The following GJB3 variants were observed in gnomAD, a reference collection of about 807,000 sequenced individuals.
The protein encoded by GJB3 is gap junction beta-3 protein.
GJB3 carries 6 observed loss-of-function variants against 8.1 expected under a neutral mutation model. That is an observed-to-expected ratio of 0.75 (90% confidence interval 0.41 to 1.47). The LOEUF is 1.47. Among genes scored for constraint, GJB3 ranks in the 40% most tolerant of loss-of-function variants. The pLI, the probability that GJB3 is intolerant of heterozygous loss-of-function variation, is 0.02. For missense variants in GJB3, 348 were observed against 365.6 expected (o/e 0.95, Z 0.39); for synonymous variants, 137 against 156.4 (o/e 0.88, Z 0.93).
rs747547880 is a variant in GJB3 at position 34,785,025 on chromosome 1, C to T, written c.263C>T (p.Ser88Leu). The T allele has an allele frequency of 3.7e-6, 6 of 1,614,168 alleles. No individual in the cohort carries two copies. Among genetic ancestry groups the T allele is most frequent in the African/African-American group, 1.3e-5 (1 of 75,052 alleles). ...CAGCTCATCTTCGTCACATGCCCCT[C>T]GCTGCTGGTCATCCTGCACGTGGCC... ...ALQLIFVTCP[S>L]LLVILHVAYR... The change falls in exon 2 of 2, where the codon TCG becomes TTG. Residue 88 changes from serine to leucine, a missense_variant. Coordinates refer to ENST00000373366, the MANE Select transcript of GJB3 (RefSeq NM_024009.3). This position sits in a 1 kb window ranked among gnomAD's most constrained non-coding sequence, Gnocchi z 4.7.
At chr1:34,784,710 A>G (rs957249530) in intron 1 of GJB3, 28 bp from the exon 2 acceptor site, 3 of 1,421,190 alleles carry the variant, frequency 2.1e-6, no homozygotes, top group South Asian at 1.2e-5. Context: ...ATTCATTCAT[A>G]CGATGGTTTT....
intron 1 of GJB3, among the ~76,000 whole-genome samples, chr1:34,783,650 G>A (rs1640050452): frequency 6.6e-6 from 1 of 152,114 alleles, no homozygotes; most frequent in Admixed American, 6.5e-5. Flanking sequence ...CAGGCATCAC[G>A]CATGCTCAGA....
intron 1 of GJB3, 35 bp from the exon 2 acceptor site, chr1:34,784,703 C>A (rs1465243341): frequency 4.4e-6 from 6 of 1,348,532 alleles, no homozygotes; most frequent in Non-Finnish European, 1.1e-6. Context: ...GTCACCTATT[C>A]ATTCATACGA....
At position 34,784,293 on chromosome 1, in the gene GJB3, G is replaced by A. The variant is rs1640062365; in HGVS notation, c.-25-445G>A. Among the ~76,000 whole-genome samples, 3 of 152,308 alleles carry A rather than the reference G, an allele frequency of 2.0e-5. No homozygotes were observed. In the South Asian group the frequency reaches 6.2e-4, roughly 32 times the overall value. On this transcript the variant is annotated intron_variant, in intron 1 of 1. Transcript: ENST00000373366. ...TGACTTGACCTCTCTAAATTTCACA[G>A]TAATGAGTAGCCAGCATTTATGGGG...
Position 34,785,188 on chromosome 1 carries a change from G to C in GJB3, c.426G>C (p.Glu142Asp). The C allele has an allele frequency of 1.2e-6, 2 of 1,614,154 alleles. No homozygotes were observed. Among genetic ancestry groups the C allele is most frequent in the Non-Finnish European group, 1.7e-6 (2 of 1,180,030 alleles). The change falls in exon 2 of 2, where the codon GAG becomes GAC. Residue 142 changes from glutamate (E) to aspartate (D), a missense_variant. Glu to Asp is a conservative substitution (Grantham distance 45). Coordinates refer to ENST00000373366, the MANE Select transcript of GJB3 (RefSeq NM_024009.3). The surrounding 1 kb of genome is among the most constrained non-coding windows in gnomAD (Gnocchi z 4.7). The part of the protein sequence containing the change: ...LFSLIFKLII[E>D]FLFLYLLHTL... Reference sequence around the variant, plus strand: ...GCCTCATCTTCAAGCTCATCATTGAGTTCCTCTTCCTCTACCTGCTGCACA... The same window carrying C: ...GCCTCATCTTCAAGCTCATCATTGACTTCCTCTTCCTCTACCTGCTGCACA...
Position 34,785,931 on chromosome 1 carries a change from A to G in GJB3, c.*356A>G, listed in dbSNP as rs1640108529. 3.1e-6 allele frequency: 1 copy of G among 318,200 alleles called. No homozygotes were observed. The highest frequency in any genetic ancestry group is 4.8e-5 in the Admixed American group (1 of 20,810). The allele number at this position is 318,200 out of a possible 1,614,324, so 19.7% of individuals were successfully genotyped here. ...CTTCCCTGAGGACATAATGTGTAAG[A>G]GAGGTGAGAAGTGCTCCCAAGCAGA... On this transcript the variant is annotated 3_prime_UTR_variant, in exon 2 of 2. Coordinates refer to ENST00000373366, the MANE Select transcript of GJB3 (RefSeq NM_024009.3). The surrounding 1 kb of genome is among the most constrained non-coding windows in gnomAD (Gnocchi z 4.7).
intron 1 of GJB3, among the ~76,000 whole-genome samples, chr1:34,783,945 T>G (rs752080684): frequency 3.9e-5 from 6 of 152,138 alleles, no homozygotes; most frequent in Non-Finnish European, 7.3e-5. Context: ...TCTCTAGATA[T>G]TCCCTGGATC....
intron 1 of GJB3, chr1:34,782,128 G>T (rs554870543): frequency 6.6e-6 from 1 of 152,602 alleles, no homozygotes; most frequent in South Asian, 2.1e-4. Context: ...TACAGTCTGG[G>T]GGTCAGGGAA....
intron 1 of GJB3, among the ~76,000 whole-genome samples, chr1:34,784,362 T>G (rs1309595248): frequency 6.6e-6 from 1 of 152,224 alleles, no homozygotes; most frequent in East Asian, 1.9e-4. Context: ...CAATGATCAG[T>G]TTCATCTGTA....
At position 34,785,304 on chromosome 1, in the gene GJB3, C is replaced by A; in HGVS notation, c.542C>A (p.Pro181His). The change falls in exon 2 of 2, where the codon CCT (proline) becomes CAT (histidine). Residue 181 changes from proline (P) to histidine (H), a missense_variant. Transcript: ENST00000373366. This position sits in a 1 kb window ranked among gnomAD's most constrained non-coding sequence, Gnocchi z 4.7. ...ATCGTGGACTGCTACATTGCCCGAC[C>A]TACCGAGAAGAAAATCTTCACCTAC... is the stretch of plus-strand genomic sequence containing the variant. ...PNIVDCYIAR[P>H]TEKKIFTYFM... The A allele has an allele frequency of 6.2e-7, 1 of 1,613,548 alleles. No homozygotes were observed. The highest frequency in any genetic ancestry group is 8.5e-7 in the Non-Finnish European group (1 of 1,180,018).
chr1:34,783,232 A>G (rs1338761074), intron 1 of GJB3, among the ~76,000 whole-genome samples: 1 of 151,430 alleles, frequency 6.6e-6, no homozygotes. Context: ...TGGGCGACAC[A>G]GCAAGGCCTT....
intron 1 of GJB3, 39 bp from the exon 2 acceptor site, chr1:34,784,699 T>C: frequency 7.7e-7 from 1 of 1,302,054 alleles, no homozygotes; most frequent in Non-Finnish European, 1.1e-6. Flanking sequence ...TAAAGTCACC[T>C]ATTCATTCAT....
At position 34,782,286 on chromosome 1, in the gene GJB3, C is replaced by G. The variant is rs1460419604; in HGVS notation, c.-26+508C>G. On this transcript the variant is annotated intron_variant, in intron 1 of 1. Coordinates refer to ENST00000373366, the MANE Select transcript of GJB3 (RefSeq NM_024009.3). ...GTCAGGAGGGACTGGGCAGACAGCACCCAAGGGTAGAAGATGGGGGCCCAG... is the reference window on the plus strand; with the variant it reads ...GTCAGGAGGGACTGGGCAGACAGCAGCCAAGGGTAGAAGATGGGGGCCCAG... 3 of 152,154 alleles carry G rather than the reference C, an allele frequency of 2.0e-5. No individual in the cohort carries two copies. The East Asian group carries it at 5.8e-4, about 29-fold the overall frequency. 9.4% of individuals were successfully genotyped at this position (152,154 alleles called of 1,614,324 possible).
rs1222386450 is a variant in GJB3 at position 34,781,897 on chromosome 1, C to A, written c.-26+119C>A. 6.6e-6 allele frequency: 1 copy of A among 152,248 alleles called. No individual in the cohort carries two copies. The highest frequency in any genetic ancestry group is 2.4e-5 in the African/African-American group (1 of 41,444). The allele number at this position is 152,248 out of a possible 1,614,324, so 9.4% of individuals were successfully genotyped here. ...CCTGCCAGTGCGCTGGGATGGGGCG[C>A]GAAGCGGGGGTGCGGGGAGCCCGCC... On this transcript the variant is annotated intron_variant, in intron 1 of 1. Transcript: ENST00000373366. This position sits in a 1 kb window ranked among gnomAD's most constrained non-coding sequence, Gnocchi z 6.2.
chr1:34,785,524 C>A lies in GJB3; in HGVS notation c.762C>A (p.Asp254Glu), dbSNP rs749805932. 1.2e-6 allele frequency: 2 copies of A among 1,614,082 alleles called. No homozygotes were observed. Among genetic ancestry groups the A allele is most frequent in the Non-Finnish European group, 1.7e-6 (2 of 1,180,026 alleles). ...KLVEAGEVDP[D>E]PGNNKLQASA... ...TGGAGGCTGGGGAGGTGGATCCAGA[C>A]CCAGGCAATAACAAGCTGCAGGCTT... is the stretch of plus-strand genomic sequence containing the variant. The change falls in exon 2 of 2, where the codon GAC becomes GAA. Residue 254 changes from aspartate to glutamate, a missense_variant. By Grantham distance (45) the Asp-to-Glu change is conservative. Coordinates refer to ENST00000373366, the MANE Select transcript of GJB3 (RefSeq NM_024009.3). This position sits in a 1 kb window ranked among gnomAD's most constrained non-coding sequence, Gnocchi z 4.7.
At chr1:34,784,318 G>A (rs1348678271) in intron 1 of GJB3, among the ~76,000 whole-genome samples, 1 of 152,184 alleles carries the variant, frequency 6.6e-6, no homozygotes, top group South Asian at 2.1e-4. Context: ...CATTTATGGG[G>A]CACTTACTAT....
chr1:34,783,683 A>G (rs936955856), intron 1 of GJB3, among the ~76,000 whole-genome samples: 8 of 151,942 alleles, frequency 5.3e-5, no homozygotes, highest in African/African-American at 1.7e-4. Flanking sequence ...CTCCAGGGGG[A>G]CTCACATGCA....
In GJB3 at chr1:34,784,937, G is replaced by C; in HGVS notation, c.175G>C (p.Gly59Arg). The C allele has an allele frequency of 6.2e-7, 1 of 1,614,160 alleles. No homozygotes were observed. ...CTTTGACTGCAACACCAAGCAGCCC[G>C]GCTGCACCAACGTCTGCTACGACAA... is the stretch of plus-strand genomic sequence containing the variant. ...KDFDCNTKQP[G>R]CTNVCYDNYF... Residue 59 changes from glycine (G) to arginine (R), a missense_variant, in exon 2 of 2, where the codon GGC becomes CGC. By Grantham distance (125) the Gly-to-Arg change is moderately radical. Transcript: ENST00000373366.
rs145247495 is a variant in GJB3, at chr1:34,784,826, C to T, written c.64C>T (p.Arg22Cys). 86 of 1,614,214 alleles carry T rather than the reference C, an allele frequency of 5.3e-5. No individual in the cohort carries two copies. The South Asian group carries it at 6.4e-4, about 12-fold the overall frequency. The change falls in exon 2 of 2, where the codon CGC (arginine) becomes TGC (cysteine). Residue 22 changes from arginine to cysteine, a missense_variant. Coordinates refer to ENST00000373366, the MANE Select transcript of GJB3 (RefSeq NM_024009.3). The stretch of plus-strand genomic sequence containing the variant: ...GAACAAGTACTCCACAGCGTTCGGG[C>T]GCATCTGGCTGTCCGTGGTGTTCGT... ...GVNKYSTAFG[R>C]IWLSVVFVFR...
Sources: allele counts gnomAD v4.1 joint callset (sites outside exome capture counted in the v4.1 genomes callset), GRCh38; gene constraint gnomAD v4.1.1; non-coding constraint Gnocchi (gnomAD v3.1); transcripts MANE v1.5; gene names NCBI Gene and HGNC (gene_info 2026-07-23, HGNC 2026-07-21).